SIK3: variants seen among roughly 807,000 people sequenced by gnomAD.
SIK3 encodes the protein SIK family kinase 3, also known as serine/threonine-protein kinase SIK3.
SIK3 carries 28 observed loss-of-function variants against 144.2 expected under a neutral mutation model. The observed-to-expected ratio is 0.19, with a 90% CI of 0.14 to 0.27. SIK3 has a LOEUF of 0.27. Ranked by LOEUF, SIK3 falls within the 10% of genes least tolerant of loss-of-function variation. The probability of loss-of-function intolerance (pLI) is 1.00; values close to 1 mark genes in which losing one functional copy is unlikely to be tolerated. For synonymous variants in SIK3, 686 were observed against 676.3 expected, an observed-to-expected ratio of 1.01 and a Z score of -0.22; for missense variants, 1,319 against 1,776.0, an observed-to-expected ratio of 0.74 and a Z score of 4.62.
chr11:117,031,536 T>A (rs994507901), intron 1 of SIK3, among the ~76,000 whole-genome samples: 1 of 151,088 alleles, frequency 6.6e-6, no homozygotes, highest in Non-Finnish European at 1.5e-5. Context: ...TATTTATTTA[T>A]TTGAGACAGA....
chr11:117,066,150 A>C (rs1191361019), intron 1 of SIK3, among the ~76,000 whole-genome samples: 2 of 149,376 alleles, frequency 1.3e-5, no homozygotes, highest in African/African-American at 4.9e-5. Flanking sequence ...GCTCACTGCA[A>C]CCTCCGCCTC....
rs145429938 is a variant in SIK3, at chr11:117,036,991, C to G, written c.273+61152G>C. Among the ~76,000 whole-genome samples, 12 of 152,214 alleles carry G rather than the reference C, an allele frequency of 7.9e-5. 2 individuals are homozygous for G. Among genetic ancestry groups the G allele is most frequent in the African/African-American group, 2.9e-4 (12 of 41,538 alleles). On this transcript the variant is annotated intron_variant, in intron 1 of 24. Transcript: ENST00000445177. The stretch of plus-strand genomic sequence containing the variant: ...AGATCTTAACATTTTGCTTGTTTGC[C>G]TGCCCCCATACCTAACTACTATATA...
chr11:117,031,318 T>C (rs1651453440), intron 1 of SIK3, among the ~76,000 whole-genome samples: 1 of 151,508 alleles, frequency 6.6e-6, no homozygotes, highest in Admixed American at 6.6e-5. Flanking sequence ...CACTCTCAGT[T>C]AATTTTTTTA....
intron 9 of SIK3, 163 bp from the exon 10 acceptor site, chr11:116,875,614 G>C: frequency 1.2e-6 from 1 of 812,818 alleles, no homozygotes; most frequent in East Asian, 2.7e-5. Flanking sequence ...CCTGTGAAGA[G>C]GATAGCATCG....
intron 1 of SIK3, among the ~76,000 whole-genome samples, chr11:116,962,432 T>C (rs988873913): frequency 2.6e-5 from 4 of 152,204 alleles, no homozygotes; most frequent in Admixed American, 2.6e-4. Context: ...AGAGAAAACA[T>C]TACAGTTTGA....
intron 1 of SIK3, among the ~76,000 whole-genome samples, chr11:117,072,239 T>C (rs1031973619): frequency 5.7e-4 from 86 of 151,774 alleles, no homozygotes; most frequent in African/African-American, 1.7e-3. Flanking sequence ...AATACAAAAA[T>C]TAGCCAGGCC....
chr11:117,004,345 T>C (rs1014836533), intron 1 of SIK3, among the ~76,000 whole-genome samples: 12 of 151,908 alleles, frequency 7.9e-5, no homozygotes, highest in African/African-American at 2.2e-4. Context: ...TGAAACCCCA[T>C]CTCTACAAAA....
chr11:116,869,323 C>G (rs1300422355), intron 14 of SIK3: 1 of 152,190 alleles, frequency 6.6e-6, no homozygotes, highest in African/African-American at 2.4e-5. Context: ...TCACACAGAG[C>G]TACTGGGGAT....
chr11:117,034,333 T>C (rs912084705), intron 1 of SIK3, among the ~76,000 whole-genome samples: 4 of 152,188 alleles, frequency 2.6e-5, no homozygotes, highest in Non-Finnish European at 5.9e-5. Flanking sequence ...AAGACTTGAA[T>C]GATAAAAGCT....
intron 1 of SIK3, among the ~76,000 whole-genome samples, chr11:116,991,324 G>A (rs951142279): frequency 1.1e-4 from 16 of 152,124 alleles, no homozygotes; most frequent in Non-Finnish European, 1.8e-4. Context: ...GCACACGCCC[G>A]TAATCTCACC....
chr11:117,023,633 T>G (rs1480047916), intron 1 of SIK3, among the ~76,000 whole-genome samples: 1 of 142,822 alleles, frequency 7.0e-6, no homozygotes, highest in Admixed American at 7.0e-5. Flanking sequence ...TATATATATA[T>G]ATATATATAT....
At chr11:116,947,068 C>T (rs111327557) in intron 3 of SIK3, among the ~76,000 whole-genome samples, 21,426 of 122,260 alleles carry the variant, frequency 0.18, 2,147 homozygotes, top group Admixed American at 0.23. Flanking sequence ...GCCGAGATTG[C>T]GCCACTGCAC....
At chr11:117,049,199 A>G (rs777564418) in intron 1 of SIK3, among the ~76,000 whole-genome samples, 8 of 152,220 alleles carry the variant, frequency 5.3e-5, no homozygotes, top group African/African-American at 1.9e-4. Flanking sequence ...TTAATAATAT[A>G]TTTATAAAAA....
chr11:116,855,083 C>CAAAAAAAAAAAA lies in SIK3; in HGVS notation c.3655+2715_3655+2726dup, dbSNP rs528405922. ...CATGGGTGACAGTGTGAGACTCTGC[C>CAAAAAAAAAAAA]AAAAAAAAAAAAAAAAAAAAAAAAA... On this transcript the variant is annotated intron_variant, in intron 21 of 24. Transcript: ENST00000445177. 1.9e-3 allele frequency among the ~76,000 whole-genome samples: 154 copies of CAAAAAAAAAAAA among 82,086 alleles called. 23 individuals are homozygous for CAAAAAAAAAAAA. The highest frequency in any genetic ancestry group is 0.01 in the African/African-American group (142 of 13,892). 53.9% of individuals were successfully genotyped at this position (82,086 alleles called of 152,430 possible). A position where few individuals can be genotyped will look rare whatever the true frequency, so the allele number is the denominator to read the frequency against.
At chr11:117,061,739 A>T (rs1953803652) in intron 1 of SIK3, among the ~76,000 whole-genome samples, 1 of 152,188 alleles carries the variant, frequency 6.6e-6, no homozygotes, top group South Asian at 2.1e-4. Context: ...GTTGAAAAGC[A>T]CTGTATTCGC....
At chr11:116,949,108 C>T (rs1289234190) in intron 3 of SIK3, among the ~76,000 whole-genome samples, 1 of 147,514 alleles carries the variant, frequency 6.8e-6, no homozygotes, top group Non-Finnish European at 1.5e-5. Flanking sequence ...CCAAAGCATG[C>T]TTAGAGAGAA....
chr11:116,937,753 TAATTG>T (rs1376610289), intron 3 of SIK3, among the ~76,000 whole-genome samples: 1 of 152,208 alleles, frequency 6.6e-6, no homozygotes, highest in East Asian at 1.9e-4. Flanking sequence ...TCTTACATTT[TAATTG>T]GAGTGTTAGT....
intron 1 of SIK3, among the ~76,000 whole-genome samples, chr11:117,036,262 T>C (rs925199028): frequency 2.0e-5 from 3 of 152,012 alleles, no homozygotes; most frequent in Non-Finnish European, 2.9e-5. Flanking sequence ...TAGTTTCTCA[T>C]AGTAACGTAA....
At chr11:116,851,677 A>G (rs1942455423) in intron 21 of SIK3, among the ~76,000 whole-genome samples, 1 of 152,230 alleles carries the variant, frequency 6.6e-6, no homozygotes, top group Admixed American at 6.5e-5. Flanking sequence ...TGCTACAGAA[A>G]GCTAAAAGCC....
Sources: gnomAD v4.1 joint callset for allele counts (sites outside exome capture counted in the v4.1 genomes callset) on GRCh38, gnomAD v4.1.1 for gene constraint, MANE v1.5 for transcripts, NCBI Gene and HGNC (gene_info 2026-07-23, HGNC 2026-07-21) for gene names.